ERC1: variants seen among roughly 807,000 people sequenced by gnomAD.
ERC1 encodes the protein ELKS/RAB6-interacting/CAST family member 1.
Under a neutral mutation model 132.0 loss-of-function variants are expected in ERC1, and 56 were observed. That is an observed-to-expected ratio of 0.42 (90% CI 0.34 to 0.53). ERC1 has a LOEUF of 0.53. ERC1 is among the 20% of genes least tolerant of loss of function. The pLI, the probability that ERC1 is intolerant of heterozygous loss-of-function variation, is 0.03. For synonymous variants in ERC1, 478 were observed against 476.1 expected (o/e 1.00, Z -0.05); for missense variants, 1,202 against 1,349.9 (o/e 0.89, Z 1.72).
chr12:1,130,290 G>C (rs117031163), intron 7 of ERC1, among the ~76,000 whole-genome samples: 1 of 152,150 alleles, frequency 6.6e-6, no homozygotes, highest in South Asian at 2.1e-4. Flanking sequence ...CTTGAGCCCA[G>C]GAGGGTTTTC....
At chr12:1,096,168 T>G (rs1237644011) in intron 3 of ERC1, among the ~76,000 whole-genome samples, 1 of 152,186 alleles carries the variant, frequency 6.6e-6, no homozygotes, top group East Asian at 1.9e-4. Context: ...GCTCAAGTGA[T>G]CTGCCTGCCT....
chr12:1,123,582 T>C (rs1947819572), intron 7 of ERC1, among the ~76,000 whole-genome samples: 1 of 152,220 alleles, frequency 6.6e-6, no homozygotes, highest in African/African-American at 2.4e-5. Context: ...TGATTTATTT[T>C]AATATTGATT....
At chr12:1,484,135 C>A (rs2094154956) in intron 18 of ERC1, among the ~76,000 whole-genome samples, 1 of 151,792 alleles carries the variant, frequency 6.6e-6, no homozygotes, top group Non-Finnish European at 1.5e-5. Flanking sequence ...GAAACCCCAT[C>A]TCTACTAAAA....
intron 18 of ERC1, among the ~76,000 whole-genome samples, chr12:1,469,533 T>TC (rs1315495164): frequency 1.3e-5 from 2 of 152,218 alleles, no homozygotes; most frequent in African/African-American, 4.8e-5. Context: ...GGGCTTCGCC[T>TC]CCCCTCCGTG....
At chr12:1,436,155 G>GACACACAC (rs139467911) in intron 17 of ERC1, among the ~76,000 whole-genome samples, 4,149 of 148,702 alleles carry the variant, frequency 0.028, 85 homozygotes, top group Non-Finnish European at 0.04. Flanking sequence ...CAGACAGACG[G>GACACACAC]ACACACACAC....
intron 12 of ERC1, among the ~76,000 whole-genome samples, chr12:1,213,789 A>G (rs1025687927): frequency 1.3e-5 from 2 of 151,514 alleles, no homozygotes; most frequent in African/African-American, 2.4e-5. Context: ...CTATAATCCC[A>G]GCTACTCGGG....
intron 6 of ERC1, among the ~76,000 whole-genome samples, chr12:1,112,987 A>T (rs781059169): frequency 8.5e-5 from 13 of 152,122 alleles, no homozygotes; most frequent in Non-Finnish European, 1.3e-4. Context: ...AAAAAAATGG[A>T]TGTTGTGTCT....
At chr12:1,384,685 T>C (rs1472634717) in intron 16 of ERC1, among the ~76,000 whole-genome samples, 1 of 152,200 alleles carries the variant, frequency 6.6e-6, no homozygotes, top group Non-Finnish European at 1.5e-5. Context: ...TTTCCCCCTA[T>C]ATTTCAAAAG....
intron 8 of ERC1, among the ~76,000 whole-genome samples, chr12:1,167,933 C>A (rs368074164): frequency 1.3e-5 from 2 of 151,968 alleles, no homozygotes; most frequent in East Asian, 3.9e-4. Flanking sequence ...CCAGGATGCT[C>A]TCGATCTCCT....
chr12:1,468,556 C>A (rs921141369), intron 18 of ERC1, among the ~76,000 whole-genome samples: 2 of 151,978 alleles, frequency 1.3e-5, no homozygotes, highest in African/African-American at 4.8e-5. Flanking sequence ...GAGCTGAGAT[C>A]ATGCCACTGC....
intron 12 of ERC1, among the ~76,000 whole-genome samples, chr12:1,216,208 T>C (rs921943238): frequency 2.0e-5 from 3 of 152,222 alleles, no homozygotes; most frequent in African/African-American, 4.8e-5. Flanking sequence ...TGGGATATTT[T>C]AGCGATTAAT....
chr12:1,269,186 T>C (rs966151927), intron 14 of ERC1, among the ~76,000 whole-genome samples: 2 of 152,210 alleles, frequency 1.3e-5, no homozygotes, highest in Non-Finnish European at 2.9e-5. Context: ...ACAGTTCAGA[T>C]AGGGACACAG....
chr12:1,334,336 G>T (rs928592957), intron 15 of ERC1, among the ~76,000 whole-genome samples: 8 of 152,086 alleles, frequency 5.3e-5, no homozygotes, highest in African/African-American at 1.7e-4. Flanking sequence ...GTATTGACTA[G>T]GTTGTCTTCC....
intron 1 of ERC1, among the ~76,000 whole-genome samples, chr12:993,387 C>T (rs1960082874): frequency 6.6e-6 from 1 of 152,156 alleles, no homozygotes; most frequent in Admixed American, 6.5e-5. Flanking sequence ...GGAATGAAAT[C>T]ACATAATTTG....
chr12:1,379,125 A>G lies in ERC1; in HGVS notation c.2925+7148A>G, dbSNP rs543471519. Among the ~76,000 whole-genome samples, 4 of 152,336 alleles carry G rather than the reference A, an allele frequency of 2.6e-5. No individual in the cohort carries two copies. In the East Asian group the frequency reaches 7.7e-4, roughly 29 times the overall value. On this transcript the variant is annotated intron_variant, in intron 16 of 18. Transcript: ENST00000360905. ...TATTTGTAAATTCCCATAAATACAT[A>G]AAAGGACCGTGCTAAGCTGTCTTTG...
chr12:1,297,557 A>T (rs992746654), intron 15 of ERC1, among the ~76,000 whole-genome samples: 1 of 151,076 alleles, frequency 6.6e-6, no homozygotes, highest in African/African-American at 2.4e-5. Context: ...AAAAAAAAAA[A>T]AAATTAGCTG....
intron 7 of ERC1, among the ~76,000 whole-genome samples, chr12:1,126,486 TAA>T (rs766840880): frequency 6.6e-6 from 1 of 152,198 alleles, no homozygotes; most frequent in Non-Finnish European, 1.5e-5. Context: ...CTAGATGGAT[TAA>T]AGACCTCAGT....
At chr12:1,016,067 G>C (rs1965455236) in intron 1 of ERC1, among the ~76,000 whole-genome samples, 1 of 148,920 alleles carries the variant, frequency 6.7e-6, no homozygotes. Context: ...GCTAATGGGT[G>C]GTATATTACA....
chr12:1,039,054 G>C (rs114175957), intron 2 of ERC1, among the ~76,000 whole-genome samples: 292 of 151,204 alleles, frequency 1.9e-3, no homozygotes, highest in African/African-American at 6.9e-3. Context: ...AACAAAATTA[G>C]GGCCAGGCAC....
Sources: allele counts gnomAD v4.1 joint callset (sites outside exome capture counted in the v4.1 genomes callset), GRCh38; gene constraint gnomAD v4.1.1; transcripts MANE v1.5; gene names NCBI Gene and HGNC (gene_info 2026-07-23, HGNC 2026-07-21).